Variants in ANO3 observed in about 807,000 individuals in gnomAD.
ANO3 encodes anoctamin 3, also known as anoctamin-3.
In ANO3, 99 loss-of-function variants were observed where a neutral mutation model predicts 144.8. The observed-to-expected ratio is 0.68, with a 90% CI of 0.58 to 0.81. The LOEUF is 0.81. ANO3 is among the 30% of genes least tolerant of loss of function. The probability of loss-of-function intolerance (pLI) is 0.00; values close to 1 mark genes in which losing one functional copy is unlikely to be tolerated. For synonymous variants in ANO3, 414 were observed against 392.6 expected (o/e 1.05, Z -0.64); for missense variants, 905 against 1,202.2 (o/e 0.75, Z 3.66).
chr11:26,211,703 A>T (rs1397941878), intron 1 of ANO3, among the ~76,000 whole-genome samples: 1 of 152,234 alleles, frequency 6.6e-6, no homozygotes, highest in Non-Finnish European at 1.5e-5. Flanking sequence ...AAGCAATCCC[A>T]TTACTGGATA....
intron 1 of ANO3, among the ~76,000 whole-genome samples, chr11:26,387,500 CTTCGTGAA>C (rs61041250): frequency 0.26 from 40,151 of 151,678 alleles, 5,908 homozygotes; most frequent in African/African-American, 0.4. Context: ...TCTAAAGTTA[CTTCGTGAA>C]TTTCTCAAAT....
chr11:26,393,615 T>G (rs568621582), intron 1 of ANO3, among the ~76,000 whole-genome samples: 2 of 152,304 alleles, frequency 1.3e-5, no homozygotes, highest in South Asian at 4.1e-4. Flanking sequence ...TGAAATTAAA[T>G]TTATGTAATC....
At chr11:26,211,271 G>T (rs766430792) in intron 1 of ANO3, among the ~76,000 whole-genome samples, 8 of 152,020 alleles carry the variant, frequency 5.3e-5, no homozygotes, top group Non-Finnish European at 8.8e-5. Context: ...GGTAAATAAC[G>T]AAATTAAGGC....
intron 3 of ANO3, among the ~76,000 whole-genome samples, chr11:26,457,284 A>G (rs993549651): frequency 1.1e-4 from 16 of 151,664 alleles, no homozygotes; most frequent in African/African-American, 2.7e-4. Flanking sequence ...TAGAACTTAT[A>G]GTATAATAAA....
intron 1 of ANO3, among the ~76,000 whole-genome samples, chr11:26,243,531 A>T (rs1326405244): frequency 1.3e-5 from 2 of 152,144 alleles, no homozygotes; most frequent in Non-Finnish European, 2.9e-5. Flanking sequence ...TAGATAAAAG[A>T]TTCACTTTTA....
At chr11:26,395,628 A>G (rs1856991827) in intron 1 of ANO3, among the ~76,000 whole-genome samples, 1 of 152,056 alleles carries the variant, frequency 6.6e-6, no homozygotes, top group Non-Finnish European at 1.5e-5. Flanking sequence ...CATTGGCCTC[A>G]GAAATAATCC....
At chr11:26,435,750 TTCTTTTTTACACCAGC>T (rs1353304405) in intron 1 of ANO3, among the ~76,000 whole-genome samples, 2 of 152,206 alleles carry the variant, frequency 1.3e-5, no homozygotes, top group Non-Finnish European at 2.9e-5. Context: ...ATCAGTTAGG[TTCTTTTTTACACCAGC>T]TCTTTCACCT....
In ANO3 at chr11:26,404,931, A is replaced by ATGTGTGTGTGTG. The variant is rs779394110; in HGVS notation, c.47-36986_47-36985insGTGTGTGTGTGT. On this transcript the variant is annotated intron_variant, in intron 1 of 26. Coordinates refer to ENST00000256737, the MANE Select transcript of ANO3 (RefSeq NM_031418.4). ...GCTAATTTCAGCAAGGAATTTATAT[A>ATGTGTGTGTGTG]TATGTGTGTGTGTGTGTGTGTGTGT... 1.0e-4 allele frequency among the ~76,000 whole-genome samples: 4 copies of ATGTGTGTGTGTG among 39,278 alleles called. No homozygotes were observed. The East Asian group carries it at 3.3e-3, about 32-fold the overall frequency. 25.8% of individuals were successfully genotyped at this position (39,278 alleles called of 152,430 possible).
chr11:26,487,414 G>A (rs1346767143), intron 4 of ANO3, among the ~76,000 whole-genome samples: 1 of 152,170 alleles, frequency 6.6e-6, no homozygotes, highest in Non-Finnish European at 1.5e-5. Flanking sequence ...TTTGTTCCCA[G>A]TTTGTGTGCC....
intron 17 of ANO3, among the ~76,000 whole-genome samples, chr11:26,623,359 T>G (rs534867293): frequency 6.6e-6 from 1 of 152,222 alleles, no homozygotes; most frequent in East Asian, 1.9e-4. Context: ...TCTAAACAAT[T>G]TTTTATTGAA....
At chr11:26,479,320 A>G (rs1000260020) in intron 4 of ANO3, among the ~76,000 whole-genome samples, 2 of 152,198 alleles carry the variant, frequency 1.3e-5, no homozygotes, top group African/African-American at 2.4e-5. Context: ...ATAAGAATAG[A>G]TTTTTTAACA....
At chr11:26,342,033 A>G (rs551080257) in intron 1 of ANO3, among the ~76,000 whole-genome samples, 1 of 152,312 alleles carries the variant, frequency 6.6e-6, no homozygotes, top group South Asian at 2.1e-4. Context: ...TCAGAGACAC[A>G]CCCAGGAACA....
At chr11:26,357,783 T>C (rs1470326783) in intron 1 of ANO3, among the ~76,000 whole-genome samples, 1 of 152,194 alleles carries the variant, frequency 6.6e-6, no homozygotes, top group Non-Finnish European at 1.5e-5. Context: ...TGTTTCCCTT[T>C]ATGTTTCTTT....
intron 4 of ANO3, among the ~76,000 whole-genome samples, chr11:26,466,578 G>A (rs1859609754): frequency 6.6e-6 from 1 of 151,946 alleles, no homozygotes; most frequent in African/African-American, 2.4e-5. Context: ...TAGTCTTGAG[G>A]AGGAGAAGAG....
chr11:26,492,902 C>T (rs897484372), intron 4 of ANO3, among the ~76,000 whole-genome samples: 1 of 152,200 alleles, frequency 6.6e-6, no homozygotes, highest in African/African-American at 2.4e-5. Flanking sequence ...GAATTCAAAT[C>T]TGAGTCTACC....
chr11:26,407,070 G>GTA (rs202060948), intron 1 of ANO3, among the ~76,000 whole-genome samples: 1,084 of 101,316 alleles, frequency 0.011, 20 homozygotes, highest in African/African-American at 0.032. Flanking sequence ...GTGTGTGTGT[G>GTA]TGTGTGTATA....
chr11:26,566,908 TTAGG>T (rs1850611035), intron 14 of ANO3: 2 of 607,118 alleles, frequency 3.3e-6, no homozygotes, highest in Non-Finnish European at 5.0e-6. Context: ...ATGGGCTGAC[TTAGG>T]TAGCAGCACT....
chr11:26,329,181 C>A (rs1854968697), upstream of ANO3, among the ~76,000 whole-genome samples: 1 of 152,038 alleles, frequency 6.6e-6, no homozygotes, highest in African/African-American at 2.4e-5. Context: ...ATGGAAATGT[C>A]AGTCCATCAA....
At chr11:26,312,947 C>T (rs919262954) in intron 1 of ANO3, among the ~76,000 whole-genome samples, 1 of 152,068 alleles carries the variant, frequency 6.6e-6, no homozygotes, top group Non-Finnish European at 1.5e-5. Context: ...TATACTATTC[C>T]ATCATTTGCT....
Sources: gnomAD v4.1 joint callset for allele counts (sites outside exome capture counted in the v4.1 genomes callset) on GRCh38, gnomAD v4.1.1 for gene constraint, MANE v1.5 for transcripts, NCBI Gene and HGNC (gene_info 2026-07-23, HGNC 2026-07-21) for gene names.